The following RYR3 variants were observed in gnomAD, a reference collection of about 807,000 sequenced individuals.
RYR3 encodes brain ryanodine receptor-calcium release channel.
Under a neutral mutation model 584.3 loss-of-function variants are expected in RYR3, and 207 were observed. That is an observed-to-expected ratio of 0.35 (90% CI 0.32 to 0.40). The LOEUF (loss-of-function observed/expected upper bound fraction) is 0.40. Among genes scored for constraint, RYR3 ranks in the 10% least tolerant of loss-of-function variants. The pLI is 1.00. For synonymous variants in RYR3, 2,416 were observed against 2,248.5 expected, an observed-to-expected ratio of 1.07 and a Z score of -2.11; for missense variants, 5,616 against 6,089.2, an observed-to-expected ratio of 0.92 and a Z score of 2.59.
intron 38 of RYR3, among the ~76,000 whole-genome samples, chr15:33,671,872 T>G (rs1327060747): frequency 2.2e-5 from 3 of 137,752 alleles, no homozygotes; most frequent in Admixed American, 1.6e-4. Flanking sequence ...TGGAGTGCAG[T>G]GGTGTGATCT....
chr15:33,456,311 G>A (rs2047552540), intron 1 of RYR3, among the ~76,000 whole-genome samples: 1 of 152,224 alleles, frequency 6.6e-6, no homozygotes, highest in Admixed American at 6.5e-5. Flanking sequence ...CGCGCAGAAT[G>A]CCAAGAGGAT....
chr15:33,749,946 C>G lies in RYR3; in HGVS notation c.8200-33C>G, dbSNP rs1567089041. On this transcript the variant is annotated intron_variant, in intron 55 of 103. Transcript: ENST00000634891. ...TGAAGCCAGCTTGCCTGCTTTCTTT[C>G]TTTTTGACTTGGCTCTTCTTGGTGG... 1.9e-6 allele frequency: 3 copies of G among 1,598,654 alleles called. No homozygotes were observed. The South Asian group carries it at 3.4e-5, about 18-fold the overall frequency.
chr15:33,630,841 C>G (rs898171627), intron 22 of RYR3, among the ~76,000 whole-genome samples: 3 of 152,198 alleles, frequency 2.0e-5, no homozygotes, highest in Non-Finnish European at 2.9e-5. Flanking sequence ...GGGCAATTAA[C>G]AAATTTCTCT....
intron 65 of RYR3, among the ~76,000 whole-genome samples, chr15:33,785,032 A>C (rs1045753534): frequency 1.3e-5 from 2 of 152,178 alleles, no homozygotes; most frequent in Non-Finnish European, 2.9e-5. Flanking sequence ...AAAAAGGATT[A>C]AGTGATTGAC....
At chr15:33,820,509 C>T (rs1324587598) in intron 77 of RYR3, among the ~76,000 whole-genome samples, 2 of 152,198 alleles carry the variant, frequency 1.3e-5, no homozygotes, top group Non-Finnish European at 2.9e-5. Flanking sequence ...CCAGCTAGGT[C>T]ACCATTGATG....
intron 38 of RYR3, among the ~76,000 whole-genome samples, chr15:33,695,276 C>A (rs2065759396): frequency 6.6e-6 from 1 of 152,200 alleles, no homozygotes; most frequent in Non-Finnish European, 1.5e-5. Context: ...GCAGTGCCTT[C>A]CCGGCCATTC....
At chr15:33,722,577 G>A (rs1425979687) in intron 43 of RYR3, 138 bp from the exon 44 acceptor site, 16 of 757,864 alleles carry the variant, frequency 2.1e-5, no homozygotes, top group Admixed American at 7.8e-5. Context: ...CACTCCCACT[G>A]CCCACTTGAC....
intron 1 of RYR3, among the ~76,000 whole-genome samples, chr15:33,317,805 T>C (rs1268500351): frequency 6.6e-6 from 1 of 152,168 alleles, no homozygotes; most frequent in African/African-American, 2.4e-5. Context: ...CATTGCTGAC[T>C]CTACAGTCAT....
chr15:33,324,589 T>C (rs1474707561), intron 1 of RYR3, among the ~76,000 whole-genome samples: 1 of 152,228 alleles, frequency 6.6e-6, no homozygotes, highest in East Asian at 1.9e-4. Flanking sequence ...TTATCCTGTT[T>C]GTCTCTCTCC....
chr15:33,365,137 A>G (rs1367682340), intron 1 of RYR3, among the ~76,000 whole-genome samples: 2 of 152,122 alleles, frequency 1.3e-5, no homozygotes, highest in African/African-American at 4.8e-5. Context: ...CCACACTAAG[A>G]GCTATTTTAG....
At chr15:33,499,891 G>T (rs1596380577) in intron 2 of RYR3, among the ~76,000 whole-genome samples, 1 of 152,206 alleles carries the variant, frequency 6.6e-6, no homozygotes, top group South Asian at 2.1e-4. Flanking sequence ...GCATGACTGT[G>T]TATGAACCAG....
chr15:33,864,517 G>C (rs1440219117), intron 103 of RYR3, among the ~76,000 whole-genome samples: 1 of 152,188 alleles, frequency 6.6e-6, no homozygotes, highest in African/African-American at 2.4e-5. Context: ...AGAAAAATCA[G>C]AGTACAACGG....
chr15:33,860,546 C>T lies in RYR3; in HGVS notation c.14300-49C>T, dbSNP rs775025796. On this transcript the variant is annotated intron_variant, in intron 100 of 103. Coordinates refer to ENST00000634891, the MANE Select transcript of RYR3 (RefSeq NM_001036.6). Reference sequence around the variant, plus strand: ...AGCTTCTTCCTTTATCATTCCTCTACCCCTGAACCACTACACAGATTGCTT... The same window carrying T: ...AGCTTCTTCCTTTATCATTCCTCTATCCCTGAACCACTACACAGATTGCTT... The T allele has an allele frequency of 1.5e-5, 17 of 1,148,214 alleles. No homozygotes were observed. The East Asian group carries it at 2.3e-4, about 16-fold the overall frequency. 71.1% of individuals were successfully genotyped at this position (1,148,214 alleles called of 1,614,324 possible). A position where few individuals can be genotyped will look rare whatever the true frequency, so the allele number is the denominator to read the frequency against.
intron 67 of RYR3, among the ~76,000 whole-genome samples, chr15:33,794,026 A>AATATATACATAAATACATATTATATAT (rs1567183484): frequency 1.1e-4 from 13 of 119,586 alleles, no homozygotes; most frequent in Admixed American, 9.7e-5. Flanking sequence ...TATTATATAT[A>AATATATACATAAATACATATTATATAT]AATATATACA....
chr15:33,641,599 G>A (rs990418339), intron 27 of RYR3, among the ~76,000 whole-genome samples: 4 of 152,200 alleles, frequency 2.6e-5, no homozygotes, highest in East Asian at 3.9e-4. Flanking sequence ...CCAAGAGAAA[G>A]CGCTGGTGCT....
At chr15:33,579,258 A>G (rs1276256672) in intron 12 of RYR3, among the ~76,000 whole-genome samples, 1 of 152,190 alleles carries the variant, frequency 6.6e-6, no homozygotes, top group Non-Finnish European at 1.5e-5. Context: ...ACAGATACAG[A>G]AAGTAAAGGA....
chr15:33,658,985 C>T (rs968570412), intron 32 of RYR3, among the ~76,000 whole-genome samples: 22 of 152,282 alleles, frequency 1.4e-4, no homozygotes, highest in African/African-American at 5.3e-4. Flanking sequence ...CAGTGAGGGA[C>T]CTCACAGTCT....
In RYR3 at chr15:33,649,118, G is replaced by C. The variant is rs1198233273; in HGVS notation, c.4025G>C (p.Cys1342Ser). ...ATCTTTGCTGGACAGGATCCATCCT[G>C]TGTCTGGGTCGGATGGGTGACTCCA... The part of the protein sequence containing the change: ...IRIFAGQDPS[C>S]VWVGWVTPDY... The change falls in exon 31 of 104, where the codon TGT (cysteine) becomes TCT (serine). Residue 1342 changes from cysteine to serine, a missense_variant. Physicochemically the swap from Cys to Ser is moderately radical, Grantham distance 112. Coordinates refer to ENST00000634891, the MANE Select transcript of RYR3 (RefSeq NM_001036.6). The C allele has an allele frequency of 1.9e-6, 3 of 1,613,812 alleles. No individual in the cohort carries two copies. In the African/African-American group the frequency reaches 4.0e-5, roughly 22 times the overall value.
At chr15:33,568,382 G>A (rs971245652) in intron 12 of RYR3, among the ~76,000 whole-genome samples, 6 of 152,134 alleles carry the variant, frequency 3.9e-5, no homozygotes, top group Non-Finnish European at 8.8e-5. Context: ...CTGACAATGG[G>A]AAAATTATTT....
Sources: gnomAD v4.1 joint callset for allele counts (sites outside exome capture counted in the v4.1 genomes callset) on GRCh38, gnomAD v4.1.1 for gene constraint, MANE v1.5 for transcripts, NCBI Gene and HGNC (gene_info 2026-07-23, HGNC 2026-07-21) for gene names.